Variants in RAPGEF2 observed in about 807,000 individuals in gnomAD.
RAPGEF2 encodes PDZ domain containing guanine nucleotide exchange factor (GEF) 1.
RAPGEF2 carries 54 observed loss-of-function variants against 186.7 expected under a neutral mutation model. The observed-to-expected ratio is 0.29, with a 90% confidence interval of 0.23 to 0.36. The LOEUF (loss-of-function observed/expected upper bound fraction) is 0.36, where lower values mean the gene tolerates loss of function less well. RAPGEF2 is among the 10% of genes least tolerant of loss of function. The pLI, the probability that RAPGEF2 is intolerant of heterozygous loss-of-function variation, is 1.00. For synonymous variants in RAPGEF2, 712 were observed against 705.9 expected (o/e 1.01, Z -0.14); for missense variants, 1,532 against 2,045.0 (o/e 0.75, Z 4.84).
At chr4:159,225,003 G>A (rs541331366) in intron 4 of RAPGEF2, among the ~76,000 whole-genome samples, 7 of 152,186 alleles carry the variant, frequency 4.6e-5, no homozygotes, top group South Asian at 2.1e-4. Flanking sequence ...AATGAGGTAG[G>A]TGGGTATCAG....
At chr4:159,313,900 CAA>C (rs1301647368) in intron 8 of RAPGEF2, among the ~76,000 whole-genome samples, 2 of 152,036 alleles carry the variant, frequency 1.3e-5, no homozygotes, top group Admixed American at 6.6e-5. Context: ...GCTAGTTCAA[CAA>C]AAGAGGCCAT....
intron 1 of RAPGEF2, among the ~76,000 whole-genome samples, chr4:159,123,471 C>T (rs558161262): frequency 2.6e-5 from 4 of 151,486 alleles, no homozygotes; most frequent in African/African-American, 7.3e-5. Context: ...AAAAGTTATT[C>T]GTGCCAGGTT....
At chr4:159,144,191 T>C (rs1044532292) in intron 1 of RAPGEF2, among the ~76,000 whole-genome samples, 3 of 150,514 alleles carry the variant, frequency 2.0e-5, no homozygotes, top group Admixed American at 6.6e-5. Flanking sequence ...TAAACAGTTT[T>C]GTGTTATTAA....
chr4:159,275,303 G>T (rs1462605771), intron 7 of RAPGEF2, among the ~76,000 whole-genome samples: 2 of 152,082 alleles, frequency 1.3e-5, no homozygotes, highest in Admixed American at 1.3e-4. Context: ...GCTGTTTTCA[G>T]AGACATCTTA....
intron 7 of RAPGEF2, among the ~76,000 whole-genome samples, chr4:159,269,893 A>G (rs1267896083): frequency 6.6e-6 from 1 of 152,198 alleles, no homozygotes; most frequent in Non-Finnish European, 1.5e-5. Context: ...CAGGAGGAGG[A>G]AAACACATTA....
intron 4 of RAPGEF2, among the ~76,000 whole-genome samples, chr4:159,218,246 A>T (rs1272118717): frequency 1.3e-5 from 2 of 152,218 alleles, no homozygotes; most frequent in Non-Finnish European, 2.9e-5. Context: ...TGGAGTGCAG[A>T]TTAAGCATGG....
intron 3 of RAPGEF2, among the ~76,000 whole-genome samples, chr4:159,197,960 C>T (rs1428320601): frequency 6.6e-6 from 1 of 152,166 alleles, no homozygotes; most frequent in Non-Finnish European, 1.5e-5. Flanking sequence ...TCTTCAGCCT[C>T]TTCTTCCTGC....
intron 7 of RAPGEF2, among the ~76,000 whole-genome samples, chr4:159,290,754 CAAA>C (rs571399743): frequency 1.6e-5 from 2 of 127,142 alleles, no homozygotes; most frequent in Admixed American, 8.0e-5. Context: ...CTAAGGTTTA[CAAA>C]AAAAAAAAAG....
At chr4:159,204,378 C>A (rs1218697441) in intron 3 of RAPGEF2, among the ~76,000 whole-genome samples, 1 of 152,100 alleles carries the variant, frequency 6.6e-6, no homozygotes, top group Non-Finnish European at 1.5e-5. Flanking sequence ...TTGGAATGAA[C>A]AGAAGGAAAG....
At chr4:159,150,780 G>C (rs1743455837) in intron 1 of RAPGEF2, among the ~76,000 whole-genome samples, 1 of 152,200 alleles carries the variant, frequency 6.6e-6, no homozygotes, top group Non-Finnish European at 1.5e-5. Context: ...CACGAATACG[G>C]AATCCTTGAA....
At chr4:159,104,853 G>T (rs1737703985) in intron 1 of RAPGEF2, among the ~76,000 whole-genome samples, 1 of 152,164 alleles carries the variant, frequency 6.6e-6, no homozygotes, top group Non-Finnish European at 1.5e-5. Context: ...TTTTTTAAAG[G>T]ATACTGCTTT....
At chr4:159,348,270 GGATGGATGGATGGATA>G (rs1245519953) in intron 25 of RAPGEF2, among the ~76,000 whole-genome samples, 7 of 150,078 alleles carry the variant, frequency 4.7e-5, no homozygotes, top group Non-Finnish European at 5.9e-5. Flanking sequence ...ATGGATGGAT[GGATGGATGGATGGATA>G]GATAGATAAA....
At chr4:159,113,740 CAAAAAAAAA>C (rs11311075) in intron 1 of RAPGEF2, among the ~76,000 whole-genome samples, 136 of 86,614 alleles carry the variant, frequency 1.6e-3, no homozygotes, top group African/African-American at 5.1e-3. Flanking sequence ...GACTCTGTCT[CAAAAAAAAA>C]AAAAAAAAAA....
intron 7 of RAPGEF2, among the ~76,000 whole-genome samples, chr4:159,252,349 T>C (rs995987451): frequency 7.9e-5 from 12 of 152,222 alleles, no homozygotes; most frequent in Admixed American, 4.6e-4. Context: ...TGTATTTCTT[T>C]ATACAAAAAT....
At chr4:159,332,901 G>C (rs532849041) in intron 17 of RAPGEF2, 6 of 436,604 alleles carry the variant, frequency 1.4e-5, no homozygotes, top group Non-Finnish European at 2.3e-5. Flanking sequence ...CTTCTTTAAA[G>C]ATAGTTTAGC....
rs1731372457 is a variant in RAPGEF2 at position 159,352,706 on chromosome 4, G to C, written c.3887G>C (p.Gly1296Ala). 3.7e-6 allele frequency: 6 copies of C among 1,613,756 alleles called. No individual in the cohort carries two copies. The highest frequency in any genetic ancestry group is 5.1e-6 in the Non-Finnish European group (6 of 1,179,674). ...PRKGYTLAPS[G>A]TVDNFSDSGH... Reference sequence around the variant, plus strand: ...GCAGGCTATACTTTGGCTCCCAGTGGTACTGTGGATAATTTTTCAGATTCT... The same window carrying C: ...GCAGGCTATACTTTGGCTCCCAGTGCTACTGTGGATAATTTTTCAGATTCT... Residue 1296 changes from glycine to alanine, a missense_variant, in exon 27 of 30, where the codon GGT becomes GCT. Physicochemically the swap from Gly to Ala is moderately conservative, Grantham distance 60. Coordinates refer to ENST00000691494, the MANE Select transcript of RAPGEF2 (RefSeq NM_001394067.2).
chr4:159,146,345 G>A (rs1223750006), intron 1 of RAPGEF2, among the ~76,000 whole-genome samples: 1 of 151,288 alleles, frequency 6.6e-6, no homozygotes, highest in Non-Finnish European at 1.5e-5. Flanking sequence ...ACTTTAAAAA[G>A]CATGTAAGCT....
chr4:159,195,011 TAGA>T (rs1490992162), intron 3 of RAPGEF2, among the ~76,000 whole-genome samples: 1 of 152,168 alleles, frequency 6.6e-6, no homozygotes, highest in Non-Finnish European at 1.5e-5. Context: ...TGTTGGATTT[TAGA>T]AGAAGATACA....
intron 1 of RAPGEF2, among the ~76,000 whole-genome samples, chr4:159,137,725 A>AAT (rs386402019): frequency 2.6e-5 from 4 of 151,710 alleles, no homozygotes; most frequent in Non-Finnish European, 4.4e-5. Context: ...AAAAAAAAAA[A>AAT]ACCTGCAAAG....
Sources: allele counts gnomAD v4.1 joint callset (sites outside exome capture counted in the v4.1 genomes callset), GRCh38; gene constraint gnomAD v4.1.1; transcripts MANE v1.5; gene names NCBI Gene and HGNC (gene_info 2026-07-23, HGNC 2026-07-21).